COL21A1: variants seen among roughly 807,000 people sequenced by gnomAD.
The protein encoded by COL21A1 is collagen alpha-1(XXI) chain.
A neutral mutation model predicts 137.9 loss-of-function variants in COL21A1; 149 were observed. That is an observed-to-expected ratio of 1.08 (90% CI 0.95 to 1.24). The LOEUF is 1.24. Among genes scored for constraint, COL21A1 ranks in the 50% most tolerant of loss-of-function variants. The probability of loss-of-function intolerance (pLI) is 0.00; values close to 1 mark genes in which losing one functional copy is unlikely to be tolerated. For missense variants in COL21A1, 1,167 were observed against 1,158.4 expected (o/e 1.01, Z -0.11); for synonymous variants, 456 against 391.5 (o/e 1.16, Z -1.95).
intron 1 of COL21A1, among the ~76,000 whole-genome samples, chr6:56,291,148 T>C (rs1288537364): frequency 6.6e-6 from 1 of 152,110 alleles, no homozygotes; most frequent in Non-Finnish European, 1.5e-5. Flanking sequence ...TAAAGAACTG[T>C]TAACTAGGGA....
At chr6:56,335,073 G>GC (rs1395721012) in intron 1 of COL21A1, among the ~76,000 whole-genome samples, 1 of 151,216 alleles carries the variant, frequency 6.6e-6, no homozygotes, top group East Asian at 1.9e-4. Context: ...AGAATGGATT[G>GC]GTTTTTTTTG....
At chr6:56,059,782 G>A (rs986017927) in intron 28 of COL21A1, among the ~76,000 whole-genome samples, 1 of 151,926 alleles carries the variant, frequency 6.6e-6, no homozygotes, top group African/African-American at 2.4e-5. Context: ...TCAGTACATT[G>A]GCAACATTTT....
intron 3 of COL21A1, among the ~76,000 whole-genome samples, chr6:56,173,006 C>T (rs1333586952): frequency 2.0e-5 from 3 of 151,894 alleles, no homozygotes; most frequent in African/African-American, 4.8e-5. Flanking sequence ...ACAGGAAAGA[C>T]AGAAAATAAT....
intron 1 of COL21A1, among the ~76,000 whole-genome samples, chr6:56,195,837 C>T (rs904951341): frequency 6.6e-6 from 1 of 151,950 alleles, no homozygotes; most frequent in Non-Finnish European, 1.5e-5. Context: ...CCAAACTCTT[C>T]CAAAAAATTA....
intron 17 of COL21A1, among the ~76,000 whole-genome samples, chr6:56,089,856 C>T (rs1262455401): frequency 6.6e-6 from 1 of 152,086 alleles, no homozygotes; most frequent in African/African-American, 2.4e-5. Flanking sequence ...TCAATAAAGC[C>T]TCTTTCAAAT....
Position 56,115,011 on chromosome 6 carries a change from A to G in COL21A1, c.1758+9051T>C, listed in dbSNP as rs567634345. Among the ~76,000 whole-genome samples the G allele has an allele frequency of 5.3e-4, 81 of 152,214 alleles. 2 individuals carry two copies. In the South Asian group the frequency reaches 0.016, roughly 30 times the overall value. On this transcript the variant is annotated intron_variant, in intron 16 of 29. Coordinates refer to ENST00000244728, the MANE Select transcript of COL21A1 (RefSeq NM_030820.4). ...TGCAGCCATAAAAAATGATGAGTTC[A>G]TGTCATGGAAATCATCATTCTCAGT...
rs1467815017 is a variant in COL21A1 at position 56,328,732 on chromosome 6, C to T, written c.-39+65239G>A. Among the ~76,000 whole-genome samples, 3 of 152,064 alleles carry T rather than the reference C, an allele frequency of 2.0e-5. No individual in the cohort carries two copies. In the East Asian group the frequency reaches 5.8e-4, roughly 29 times the overall value. On this transcript the variant is annotated intron_variant, in intron 1 of 28. Coordinates refer to the COL21A1 transcript ENST00000370819. Reference sequence around the variant, plus strand: ...TTGTAAGTACTGAACTTTACTATTACAGCATGTTTTCCCACCCACTATCTT... The same window carrying T: ...TTGTAAGTACTGAACTTTACTATTATAGCATGTTTTCCCACCCACTATCTT...
chr6:56,223,422 T>C (rs1429093788), intron 1 of COL21A1, among the ~76,000 whole-genome samples: 5 of 152,092 alleles, frequency 3.3e-5, no homozygotes, highest in African/African-American at 1.2e-4. Context: ...AAACACTTAT[T>C]TATTTGCTTT....
intron 9 of COL21A1, among the ~76,000 whole-genome samples, chr6:56,162,224 G>A (rs1274888268): frequency 1.3e-5 from 2 of 152,174 alleles, no homozygotes; most frequent in Non-Finnish European, 2.9e-5. Context: ...CCAGGATAAA[G>A]AGTCCTAAAT....
intron 1 of COL21A1, among the ~76,000 whole-genome samples, chr6:56,234,880 T>G (rs901451858): frequency 6.7e-6 from 1 of 149,796 alleles, no homozygotes; most frequent in Admixed American, 6.7e-5. Context: ...AAATGTATTC[T>G]TAGCCAACTG....
intron 12 of COL21A1, among the ~76,000 whole-genome samples, chr6:56,134,956 G>C (rs1347388759): frequency 6.6e-6 from 1 of 151,650 alleles, no homozygotes; most frequent in African/African-American, 2.4e-5. Context: ...TGTCTTTATT[G>C]TATTAGTGGA....
upstream of COL21A1, among the ~76,000 whole-genome samples, chr6:56,252,086 T>C (rs1197004834): frequency 6.6e-6 from 1 of 152,202 alleles, no homozygotes; most frequent in Non-Finnish European, 1.5e-5. Context: ...CTTTCTCTTC[T>C]TTCAGAATGA....
At chr6:56,096,150 A>AC (rs1554205335) in intron 17 of COL21A1, among the ~76,000 whole-genome samples, 1 of 148,460 alleles carries the variant, frequency 6.7e-6, no homozygotes, top group East Asian at 2.0e-4. Context: ...TCTGGCCTGC[A>AC]TTTTTTTTTT....
rs1781741070 is a variant in COL21A1 at position 56,233,904 on chromosome 6, A to AC, written c.-39+13482_-39+13483insG. The stretch of plus-strand genomic sequence containing the variant: ...ACAAAAGTGAAGCTAAAAAACAATG[A>AC]GGGGGTAATTGATACCAATCAGCCA... On this transcript the variant is annotated intron_variant, in intron 1 of 29. Transcript: ENST00000244728. Among the ~76,000 whole-genome samples the AC allele has an allele frequency of 2.0e-5, 3 of 151,986 alleles. No homozygotes were observed. The South Asian group carries it at 6.2e-4, about 31-fold the overall frequency.
At chr6:56,361,938 C>G (rs1332345637) in intron 1 of COL21A1, among the ~76,000 whole-genome samples, 1 of 152,188 alleles carries the variant, frequency 6.6e-6, no homozygotes, top group Non-Finnish European at 1.5e-5. Context: ...ACAGACGTAA[C>G]CTTTTCCTTT....
intron 12 of COL21A1, among the ~76,000 whole-genome samples, chr6:56,140,343 T>C (rs137926201): frequency 1.7e-3 from 256 of 152,280 alleles, no homozygotes; most frequent in South Asian, 3.9e-3. Flanking sequence ...TATATTCTAT[T>C]GTGTGATATG....
At chr6:56,322,412 G>A (rs1416871779) in intron 1 of COL21A1, among the ~76,000 whole-genome samples, 1 of 151,966 alleles carries the variant, frequency 6.6e-6, no homozygotes, top group Admixed American at 6.6e-5. Flanking sequence ...CTTTTTGCAG[G>A]GAAAACACTT....
chr6:56,343,735 G>C (rs1765521053), intron 1 of COL21A1, among the ~76,000 whole-genome samples: 1 of 152,184 alleles, frequency 6.6e-6, no homozygotes. Context: ...GAGGCCAGGA[G>C]TTGGAGACCA....
At chr6:56,281,042 G>A (rs1274524049) in intron 1 of COL21A1, among the ~76,000 whole-genome samples, 1 of 152,000 alleles carries the variant, frequency 6.6e-6, no homozygotes, top group African/African-American at 2.4e-5. Context: ...ACCCAAATCT[G>A]CCTGACTATA....
Sources: gnomAD v4.1 joint callset for allele counts (sites outside exome capture counted in the v4.1 genomes callset) on GRCh38, gnomAD v4.1.1 for gene constraint, MANE v1.5 for transcripts, NCBI Gene and HGNC (gene_info 2026-07-23, HGNC 2026-07-21) for gene names.